NAF1: variants seen among roughly 807,000 people sequenced by gnomAD.
The protein encoded by NAF1 is nuclear assembly factor 1 ribonucleoprotein, also known as H/ACA ribonucleoprotein complex non-core subunit NAF1.
A neutral mutation model predicts 40.6 loss-of-function variants in NAF1; 11 were observed. The observed-to-expected ratio is 0.27, with a 90% CI of 0.17 to 0.45. The LOEUF (loss-of-function observed/expected upper bound fraction) is 0.45. Among genes scored for constraint, NAF1 ranks in the 20% least tolerant of loss-of-function variants. NAF1 has a pLI of 1.00. For missense variants in NAF1, 607 were observed against 611.1 expected, an observed-to-expected ratio of 0.99 and a Z score of 0.07; for synonymous variants, 260 against 228.5, an observed-to-expected ratio of 1.14 and a Z score of -1.24.
At chr4:163,111,334 G>A (rs1730153335) in intron 2 of NAF1, among the ~76,000 whole-genome samples, 1 of 152,048 alleles carries the variant, frequency 6.6e-6, no homozygotes, top group Non-Finnish European at 1.5e-5. Flanking sequence ...TTGGAAAGCA[G>A]GTTAATTCTT....
chr4:163,150,149 G>T (rs1467341594), intron 2 of NAF1, among the ~76,000 whole-genome samples: 1 of 152,058 alleles, frequency 6.6e-6, no homozygotes, highest in Non-Finnish European at 1.5e-5. Flanking sequence ...CCCTGGTTTT[G>T]TATTTTCTAT....
downstream of NAF1, among the ~76,000 whole-genome samples, chr4:163,127,523 G>C (rs972734914): frequency 1.3e-5 from 2 of 152,040 alleles, no homozygotes; most frequent in Non-Finnish European, 2.9e-5. Flanking sequence ...AAAAGGATTT[G>C]GGTTTTTCTT....
intron 2 of NAF1, among the ~76,000 whole-genome samples, chr4:163,111,030 T>A (rs1426757534): frequency 6.6e-6 from 1 of 152,198 alleles, no homozygotes; most frequent in African/African-American, 2.4e-5. Context: ...TGAAGGTTCC[T>A]CAGAAAACTC....
At chr4:163,143,589 C>A (rs1560794447) in intron 4 of NAF1, among the ~76,000 whole-genome samples, 1 of 152,114 alleles carries the variant, frequency 6.6e-6, no homozygotes, top group Non-Finnish European at 1.5e-5. Flanking sequence ...TAGGTAACTC[C>A]CAGTTTTTCT....
At chr4:163,147,847 C>G (rs182504831) in intron 3 of NAF1, among the ~76,000 whole-genome samples, 1 of 152,080 alleles carries the variant, frequency 6.6e-6, no homozygotes, top group African/African-American at 2.4e-5. Context: ...CAGAGACAGA[C>G]GTTACATTAC....
At chr4:163,119,302 G>C (rs1030093887) in intron 2 of NAF1, 1 of 152,160 alleles carries the variant, frequency 6.6e-6, no homozygotes, top group African/African-American at 2.4e-5. Flanking sequence ...CATTAAATTT[G>C]TTAAGCTGAA....
chr4:163,156,705 G>A (rs1252970746), intron 2 of NAF1, among the ~76,000 whole-genome samples: 1 of 151,954 alleles, frequency 6.6e-6, no homozygotes, highest in Admixed American at 6.6e-5. Context: ...ATTAACACAG[G>A]TATAATTTTA....
Position 163,143,485 on chromosome 4 carries a change from A to G in NAF1, c.717+2297T>C, listed in dbSNP as rs572317135. Among the ~76,000 whole-genome samples the G allele has an allele frequency of 9.2e-5, 14 of 152,358 alleles. No individual in the cohort carries two copies. The East Asian group carries it at 1.5e-3, about 17-fold the overall frequency. ...TTGAGCCAGCAGGCTGGAGGTGCAC[A>G]GACAATACAGCAAAAGGGAGAATGA... On this transcript the variant is annotated intron_variant, in intron 4 of 7. Transcript: ENST00000274054.
rs1426415809 is a variant in NAF1 at position 163,130,581 on chromosome 4, G to T, written c.1034-1233C>A. On this transcript the variant is annotated intron_variant, in intron 7 of 7. Coordinates refer to ENST00000274054, the MANE Select transcript of NAF1 (RefSeq NM_138386.3). ...AAAGGACACACAAATAAATCAATGG[G>T]ACAAAATAGAAGGTACAAAAATAGA... 2.0e-5 allele frequency among the ~76,000 whole-genome samples: 3 copies of T among 152,142 alleles called. No individual in the cohort carries two copies. The South Asian group carries it at 6.2e-4, about 32-fold the overall frequency.
At chr4:163,144,455 G>A (rs1731380637) in intron 4 of NAF1, among the ~76,000 whole-genome samples, 2 of 152,178 alleles carry the variant, frequency 1.3e-5, no homozygotes, top group South Asian at 4.1e-4. Flanking sequence ...GCTTGCTACT[G>A]AAGGTAAAAC....
Position 163,166,624 on chromosome 4 carries a change from G to A in NAF1, c.104C>T (p.Ala35Val). Residue 35 changes from alanine to valine, a missense_variant, in exon 1 of 8, where the codon GCC (alanine) becomes GTC (valine). Around this residue, in one of 3 missense-constraint regions of NAF1, gnomAD observed 407 missense variants for 365.5 expected, o/e 1.11. Coordinates refer to ENST00000274054, the MANE Select transcript of NAF1 (RefSeq NM_138386.3). Reference protein sequence around the residue: ...EGPAAPSPGSAPVPGTQPPLQ... With the variant: ...EGPAAPSPGSVPVPGTQPPLQ... ...CGGCGGCTGTGTCCCTGGCACAGGGGCAGAGCCCGGAGACGGAGCCGCCGG... is the reference window on the plus strand; with the variant it reads ...CGGCGGCTGTGTCCCTGGCACAGGGACAGAGCCCGGAGACGGAGCCGCCGG... 3 of 1,611,406 alleles carry A rather than the reference G, an allele frequency of 1.9e-6. No individual in the cohort carries two copies. Among genetic ancestry groups the A allele is most frequent in the Non-Finnish European group, 2.5e-6 (3 of 1,179,502 alleles).
chr4:163,156,276 T>C (rs1015623072), intron 2 of NAF1, among the ~76,000 whole-genome samples: 16 of 118,822 alleles, frequency 1.3e-4, no homozygotes, highest in South Asian at 3.7e-4. Context: ...ACTAAAAAAA[T>C]TGAAGGTAGA....
rs1191674438 is a variant in NAF1 at position 163,156,192 on chromosome 4, C to T, written c.541-7758G>A. Among the ~76,000 whole-genome samples, 8 of 114,718 alleles carry T rather than the reference C, an allele frequency of 7.0e-5. 1 individual carries two copies. Among genetic ancestry groups the T allele is most frequent in the African/African-American group, 2.2e-4 (8 of 36,012 alleles). The allele number at this position is 114,718 out of a possible 152,430, so 75.3% of individuals were successfully genotyped here. ...AAATTTAAAATTTGGTCTCAGAAAACATACTGTGGGACATTACCACTCTGG... is the reference window on the plus strand; with the variant it reads ...AAATTTAAAATTTGGTCTCAGAAAATATACTGTGGGACATTACCACTCTGG... On this transcript the variant is annotated intron_variant, in intron 2 of 7. Transcript: ENST00000274054.
At chr4:163,141,260 G>A (rs1049111626) in intron 4 of NAF1, among the ~76,000 whole-genome samples, 1 of 152,032 alleles carries the variant, frequency 6.6e-6, no homozygotes, top group Non-Finnish European at 1.5e-5. Context: ...AGCCACTCAG[G>A]GGCTGAGGCA....
Position 163,137,208 on chromosome 4 carries a change from T to C in NAF1, c.921A>G (p.Pro307=). The C allele has an allele frequency of 6.2e-7, 1 of 1,612,656 alleles. No homozygotes were observed. Among genetic ancestry groups the C allele is most frequent in the South Asian group, 1.1e-5 (1 of 90,984 alleles). The change falls in exon 6 of 8, where the codon CCA becomes CCG. Residue 307 remains proline, a synonymous_variant. Transcript: ENST00000274054. Reference sequence around the variant, plus strand: ...AAAGACTTATACTTACCTCTGGTGGTGGTTCCTGATCATTCTTCCATGATG... The same window carrying C: ...AAAGACTTATACTTACCTCTGGTGGCGGTTCCTGATCATTCTTCCATGATG... ...SDASWKNDQE[P]PPEALDFSDD...
At chr4:163,157,352 A>G (rs1732028752) in intron 2 of NAF1, 2 of 152,192 alleles carry the variant, frequency 1.3e-5, no homozygotes, top group Non-Finnish European at 1.5e-5. Flanking sequence ...CAAATACTAA[A>G]AACACAGCAG....
intron 2 of NAF1, among the ~76,000 whole-genome samples, chr4:163,161,902 C>A (rs981124691): frequency 6.6e-6 from 1 of 152,180 alleles, no homozygotes; most frequent in African/African-American, 2.4e-5. Context: ...CATTCACACT[C>A]CCTTTCTGTC....
chr4:163,137,079 A>C, intron 6 of NAF1, 120 bp downstream of exon 6: 1 of 1,082,024 alleles, frequency 9.2e-7, no homozygotes, highest in Non-Finnish European at 1.4e-6. Context: ...CTAGGACAGG[A>C]TAAGGCAGTA....
At chr4:163,152,078 T>C (rs755560470) in intron 2 of NAF1, among the ~76,000 whole-genome samples, 1 of 152,192 alleles carries the variant, frequency 6.6e-6, no homozygotes, top group Non-Finnish European at 1.5e-5. Flanking sequence ...ATGATACTGG[T>C]TGACAATTCC....
Sources: allele counts gnomAD v4.1 joint callset (sites outside exome capture counted in the v4.1 genomes callset), GRCh38; gene constraint gnomAD v4.1.1; regional missense constraint gnomAD v4.1.1; transcripts MANE v1.5; gene names NCBI Gene and HGNC (gene_info 2026-07-23, HGNC 2026-07-21).